DNAH8: variants seen among roughly 807,000 people sequenced by gnomAD.
The protein encoded by DNAH8 is axonemal beta dynein heavy chain 8.
Under a neutral mutation model 562.1 loss-of-function variants are expected in DNAH8, and 382 were observed. That is an observed-to-expected ratio of 0.68 (90% CI 0.63 to 0.74). The LOEUF (loss-of-function observed/expected upper bound fraction) is 0.74. DNAH8 is among the 30% of genes least tolerant of loss of function. DNAH8 has a pLI of 0.00. For missense variants in DNAH8, 5,203 were observed against 5,620.4 expected (o/e 0.93, Z 2.37); for synonymous variants, 1,881 against 1,919.4 (o/e 0.98, Z 0.52).
intron 79 of DNAH8, 59 bp from the exon 80 acceptor site, chr6:38,945,408 C>T: frequency 1.3e-6 from 2 of 1,558,190 alleles, no homozygotes; most frequent in East Asian, 2.3e-5. Flanking sequence ...TTGAAAAGTA[C>T]ATTTCTAGAA....
chr6:38,925,067 G>C (rs1782005762), intron 73 of DNAH8: 1 of 152,132 alleles, frequency 6.6e-6, no homozygotes. Context: ...GGGATGCCAA[G>C]CTATTAATTT....
chr6:38,981,854 A>T (rs1764058907), intron 85 of DNAH8, among the ~76,000 whole-genome samples: 1 of 152,228 alleles, frequency 6.6e-6, no homozygotes, highest in Non-Finnish European at 1.5e-5. Flanking sequence ...AGAGCCATGA[A>T]GTAATATTTC....
chr6:38,872,329 T>C (rs1442881287), intron 49 of DNAH8, among the ~76,000 whole-genome samples: 1 of 152,222 alleles, frequency 6.6e-6, no homozygotes, highest in Non-Finnish European at 1.5e-5. Context: ...AGCTCCACAT[T>C]GTTATTACTT....
At chr6:38,915,137 T>A (rs1182111617) in intron 67 of DNAH8, 64 bp from the exon 68 acceptor site, 2 of 1,369,606 alleles carry the variant, frequency 1.5e-6, no homozygotes, top group Non-Finnish European at 2.0e-6. Context: ...TGCTCACTAT[T>A]CAGATCTATA....
chr6:38,868,307 G>T lies in DNAH8; in HGVS notation c.6828+111G>T, dbSNP rs112055464. ...AGCTGTGAGCACCCATAATTACAGG[G>T]ATAATAAGTGTGCAAAGCTACCACT... On this transcript the variant is annotated intron_variant, in intron 48 of 92. Coordinates refer to ENST00000327475, the MANE Select transcript of DNAH8 (RefSeq NM_001206927.2). 9.0e-4 allele frequency: 957 copies of T among 1,061,218 alleles called. 4 individuals are homozygous for T. In the African/African-American group the frequency reaches 0.013, roughly 14 times the overall value. 65.7% of individuals were successfully genotyped at this position (1,061,218 alleles called of 1,614,324 possible). A position where few individuals can be genotyped will look rare whatever the true frequency, so the allele number is the denominator to read the frequency against.
chr6:38,813,653 G>A (rs1327823653), intron 24 of DNAH8, among the ~76,000 whole-genome samples: 1 of 152,086 alleles, frequency 6.6e-6, no homozygotes, highest in African/African-American at 2.4e-5. Context: ...TAACAACGCG[G>A]TTTTTGGAAA....
intron 87 of DNAH8, 54 bp downstream of exon 87, chr6:38,984,361 A>AT (rs1375941708): frequency 8.1e-7 from 1 of 1,229,118 alleles, no homozygotes. Flanking sequence ...GTATTTTCCA[A>AT]TTTTTTTGTT....
chr6:38,852,870 C>T, intron 40 of DNAH8, 72 bp downstream of exon 40: 3 of 1,214,250 alleles, frequency 2.5e-6, no homozygotes, highest in Non-Finnish European at 2.4e-6. Context: ...ATACAGTTCT[C>T]TTACAGAAAA....
Position 38,778,420 on chromosome 6 carries a change from T to C in DNAH8, c.1995T>C (p.Phe665=), listed in dbSNP as rs1768268800. ...TACAGGCATTTATGAACAGTAGTTT[T>C]GGGAAAATCTTATCTTCTCAGCAGG... The part of the protein sequence containing the change: ...VQIQAFMNSS[F]GKILSSQQAL... Residue 665 remains phenylalanine (F), a synonymous_variant, in exon 14 of 93, where the codon TTT becomes TTC. Transcript: ENST00000327475. 5 of 1,592,642 alleles carry C rather than the reference T, an allele frequency of 3.1e-6. No individual in the cohort carries two copies. Among genetic ancestry groups the C allele is most frequent in the Non-Finnish European group, 4.3e-6 (5 of 1,162,092 alleles).
At chr6:38,832,563 C>A in intron 31 of DNAH8, 128 bp downstream of exon 31, 1 of 573,730 alleles carries the variant, frequency 1.7e-6, no homozygotes, top group Non-Finnish European at 3.1e-6. Flanking sequence ...TTGCAGCTAT[C>A]AGAAAAAGGG....
At chr6:38,867,231 ATGTGTGTGTGTG>A (rs70981595) in intron 47 of DNAH8, among the ~76,000 whole-genome samples, 22 of 148,420 alleles carry the variant, frequency 1.5e-4, no homozygotes, top group African/African-American at 5.2e-4. Flanking sequence ...GTGTGTGTAT[ATGTGTGTGTGTG>A]TGTGTGTGTG....
rs755731536 is a variant in DNAH8, at chr6:38,781,330, G to A, written c.2216G>A (p.Arg739Lys). The A allele has an allele frequency of 1.2e-6, 2 of 1,613,670 alleles. No homozygotes were observed. The highest frequency in any genetic ancestry group is 2.2e-5 in the South Asian group (2 of 91,026). The change falls in exon 16 of 93, where the codon AGG (arginine) becomes AAG (lysine). Residue 739 changes from arginine to lysine, a missense_variant. Transcript: ENST00000327475. Reference protein sequence around the residue: ...PPIAGKILWVRQLYRRISEPI... With the variant: ...PPIAGKILWVKQLYRRISEPI... ...ATAGCAGGAAAAATACTCTGGGTGAGGCAGCTCTATCGCCGGATAAGTGAG... is the reference window on the plus strand; with the variant it reads ...ATAGCAGGAAAAATACTCTGGGTGAAGCAGCTCTATCGCCGGATAAGTGAG...
intron 68 of DNAH8, among the ~76,000 whole-genome samples, chr6:38,916,227 A>C (rs1285313924): frequency 1.3e-5 from 2 of 152,160 alleles, no homozygotes; most frequent in Admixed American, 1.3e-4. Flanking sequence ...ATACAGAAAA[A>C]TGTATAGGAT....
rs190222962 is a variant in DNAH8 at position 38,959,146 on chromosome 6, G to A, written c.12451+7626G>A. ...TGTACCTCAACACAATAAAGGTCAT[G>A]TATGACAAACCCATAGCTAACATCA... On this transcript the variant is annotated intron_variant, in intron 82 of 92. Transcript: ENST00000327475. 1.2e-3 allele frequency among the ~76,000 whole-genome samples: 186 copies of A among 152,200 alleles called. 3 individuals carry two copies. Among genetic ancestry groups the A allele is most frequent in the Non-Finnish European group, 1.5e-4 (10 of 67,968 alleles).
chr6:38,888,272 G>A (rs1779097826), intron 57 of DNAH8, among the ~76,000 whole-genome samples: 1 of 152,072 alleles, frequency 6.6e-6, no homozygotes, highest in Non-Finnish European at 1.5e-5. Flanking sequence ...AAATATGGAA[G>A]GCAAGGCTGT....
chr6:38,813,421 AT>A (rs1330815281), intron 24 of DNAH8, among the ~76,000 whole-genome samples: 1 of 151,580 alleles, frequency 6.6e-6, no homozygotes, highest in Non-Finnish European at 1.5e-5. Context: ...ATCTGCTTGT[AT>A]TTAGAAATGG....
chr6:38,885,610 G>C (rs977444979), intron 56 of DNAH8, among the ~76,000 whole-genome samples: 5 of 152,100 alleles, frequency 3.3e-5, no homozygotes, highest in African/African-American at 1.2e-4. Flanking sequence ...CCCTCTTCCC[G>C]TGACTCTTTG....
chr6:38,838,986 A>G (rs1019245996), intron 33 of DNAH8, among the ~76,000 whole-genome samples: 31 of 152,250 alleles, frequency 2.0e-4, no homozygotes, highest in Non-Finnish European at 4.4e-5. Flanking sequence ...GAAAATAGAC[A>G]TGAAATTTTC....
At chr6:38,853,494 C>T (rs1477996695) in intron 41 of DNAH8, 147 bp downstream of exon 41, 5 of 826,924 alleles carry the variant, frequency 6.0e-6, no homozygotes, top group Non-Finnish European at 9.3e-6. Flanking sequence ...TTAGCCTCAG[C>T]TCCCAACCAC....
Sources: allele counts gnomAD v4.1 joint callset (sites outside exome capture counted in the v4.1 genomes callset), GRCh38; gene constraint gnomAD v4.1.1; transcripts MANE v1.5; gene names NCBI Gene and HGNC (gene_info 2026-07-23, HGNC 2026-07-21).